Variants in TRIQK observed in about 807,000 individuals in gnomAD.
TRIQK encodes triple QxxK/R motif containing.
A neutral mutation model predicts 10.8 loss-of-function variants in TRIQK; 10 were observed. The ratio of observed to expected loss-of-function variants is 0.92; its 90% CI spans 0.57 to 1.57. TRIQK has a LOEUF of 1.57. Ranked by LOEUF, TRIQK falls within the 40% of genes most tolerant of loss-of-function variation. The pLI is 0.00. For missense variants in TRIQK, 107 were observed against 97.7 expected, an observed-to-expected ratio of 1.09 and a Z score of -0.40; for synonymous variants, 33 against 33.7, an observed-to-expected ratio of 0.98 and a Z score of 0.07.
At chr8:92,926,605 A>C (rs1810461483) in intron 2 of TRIQK, among the ~76,000 whole-genome samples, 1 of 152,196 alleles carries the variant, frequency 6.6e-6, no homozygotes, top group Non-Finnish European at 1.5e-5. Context: ...CAGAAAAAAA[A>C]AGTATGAAAG....
chr8:92,892,114 T>C, intron 3 of TRIQK, 40 bp from the exon 4 acceptor site: 1 of 1,285,234 alleles, frequency 7.8e-7, no homozygotes, highest in South Asian at 1.4e-5. Context: ...TATGCTCATA[T>C]ATAATTAAGT....
chr8:92,946,724 C>A (rs1466670855), intron 2 of TRIQK, among the ~76,000 whole-genome samples: 1 of 151,368 alleles, frequency 6.6e-6, no homozygotes, highest in African/African-American at 2.4e-5. Context: ...ATGTGTCATA[C>A]TCCCTACCAT....
At chr8:92,904,694 T>A (rs1809157889) in intron 3 of TRIQK, among the ~76,000 whole-genome samples, 1 of 152,088 alleles carries the variant, frequency 6.6e-6, no homozygotes, top group Non-Finnish European at 1.5e-5. Flanking sequence ...ACTCCACATC[T>A]CAGTGTTAAA....
intron 1 of TRIQK, among the ~76,000 whole-genome samples, chr8:93,008,923 G>A (rs981135774): frequency 6.6e-6 from 1 of 152,164 alleles, no homozygotes. Context: ...GACTAGGCAA[G>A]GTTTTCTTTT....
chr8:92,892,756 C>A (rs1816828709), intron 3 of TRIQK, among the ~76,000 whole-genome samples: 1 of 151,768 alleles, frequency 6.6e-6, no homozygotes, highest in African/African-American at 2.4e-5. Context: ...GAGTTAGTGC[C>A]ACAAAATTTC....
At chr8:92,981,785 T>C (rs1812989477) in intron 1 of TRIQK, among the ~76,000 whole-genome samples, 2 of 151,892 alleles carry the variant, frequency 1.3e-5, no homozygotes, top group Non-Finnish European at 2.9e-5. Flanking sequence ...TGCCAACGAA[T>C]GCAGTCTGAT....
At chr8:92,996,884 A>G (rs956921600) in intron 1 of TRIQK, among the ~76,000 whole-genome samples, 1 of 151,910 alleles carries the variant, frequency 6.6e-6, no homozygotes, top group African/African-American at 2.4e-5. Context: ...AATCTTAGCA[A>G]GCAGAAAAAA....
At chr8:93,005,290 G>A (rs1813256677) in intron 1 of TRIQK, among the ~76,000 whole-genome samples, 1 of 152,192 alleles carries the variant, frequency 6.6e-6, no homozygotes, top group Admixed American at 6.5e-5. Flanking sequence ...GAAAGAGATA[G>A]TGAAGAGATA....
intron 1 of TRIQK, chr8:92,972,799 G>A (rs969061675): frequency 2.0e-5 from 3 of 152,262 alleles, no homozygotes; most frequent in Non-Finnish European, 2.9e-5. Context: ...CCAGCTTCAC[G>A]GTATGAGAAC....
chr8:92,954,055 A>T (rs572354918), intron 2 of TRIQK: 5 of 152,098 alleles, frequency 3.3e-5, no homozygotes, highest in African/African-American at 7.2e-5. Flanking sequence ...AAAATATTGC[A>T]ATATACCAAA....
intron 1 of TRIQK, among the ~76,000 whole-genome samples, chr8:92,971,710 T>C (rs1414668034): frequency 6.6e-6 from 1 of 152,238 alleles, no homozygotes; most frequent in East Asian, 1.9e-4. Flanking sequence ...ATCCTGAAAA[T>C]GGCCATATTG....
upstream of TRIQK, among the ~76,000 whole-genome samples, chr8:92,966,518 A>G (rs1415287876): frequency 6.6e-6 from 1 of 152,194 alleles, no homozygotes; most frequent in African/African-American, 2.4e-5. Flanking sequence ...AGAAAAAAAA[A>G]TCGTTTTATA....
chr8:92,994,237 T>C (rs907609504), intron 1 of TRIQK, among the ~76,000 whole-genome samples: 1 of 152,182 alleles, frequency 6.6e-6, no homozygotes, highest in Non-Finnish European at 1.5e-5. Context: ...TATCACATAG[T>C]ATTTCTCTCT....
At chr8:92,988,924 A>G (rs1037064009) in intron 1 of TRIQK, among the ~76,000 whole-genome samples, 1 of 152,184 alleles carries the variant, frequency 6.6e-6, no homozygotes, top group African/African-American at 2.4e-5. Context: ...CAACTAAAAC[A>G]TGGCAGTGTT....
chr8:92,986,684 T>C (rs1342688785), intron 1 of TRIQK, among the ~76,000 whole-genome samples: 1 of 152,192 alleles, frequency 6.6e-6, no homozygotes, highest in African/African-American at 2.4e-5. Context: ...AGTTCTACTT[T>C]CTTATTTTAT....
At position 92,907,002 on chromosome 8, in the gene TRIQK, C is replaced by A. The variant is rs188428078; in HGVS notation, c.61+9927G>T. 1.9e-3 allele frequency among the ~76,000 whole-genome samples: 294 copies of A among 152,076 alleles called. 1 individual carries two copies. The highest frequency in any genetic ancestry group is 0.01 in the Middle Eastern group (3 of 294). On this transcript the variant is annotated intron_variant, in intron 3 of 4. Coordinates refer to ENST00000521988, the MANE Select transcript of TRIQK (RefSeq NM_001171797.2). Reference sequence around the variant, plus strand: ...GCTGGAGATATCCTTAGATCATTTTCAGAATTATTCTCATTATCAATGACA... The same window carrying A: ...GCTGGAGATATCCTTAGATCATTTTAAGAATTATTCTCATTATCAATGACA...
At chr8:92,932,668 A>G (rs1036880340) in intron 2 of TRIQK, among the ~76,000 whole-genome samples, 3 of 152,092 alleles carry the variant, frequency 2.0e-5, no homozygotes, top group Non-Finnish European at 4.4e-5. Context: ...ATGATTTTAT[A>G]ATTTCCTCAT....
At chr8:92,947,170 T>C (rs973301633) in intron 2 of TRIQK, among the ~76,000 whole-genome samples, 13 of 152,168 alleles carry the variant, frequency 8.5e-5, no homozygotes, top group Non-Finnish European at 1.6e-4. Context: ...AATCTAGTTA[T>C]TAAGAGACTG....
At chr8:92,945,418 G>T (rs1811479299) in intron 2 of TRIQK, among the ~76,000 whole-genome samples, 1 of 152,158 alleles carries the variant, frequency 6.6e-6, no homozygotes, top group East Asian at 1.9e-4. Context: ...TGCCTACTGG[G>T]GTCAGGGGAT....
Sources: gnomAD v4.1 joint callset for allele counts (sites outside exome capture counted in the v4.1 genomes callset) on GRCh38, gnomAD v4.1.1 for gene constraint, MANE v1.5 for transcripts, NCBI Gene and HGNC (gene_info 2026-07-23, HGNC 2026-07-21) for gene names.